RBFOX1: variants seen among roughly 807,000 people sequenced by gnomAD.
The protein encoded by RBFOX1 is RNA binding protein fox-1 homolog 1.
Under a neutral mutation model 57.7 loss-of-function variants are expected in RBFOX1, and 8 were observed. The ratio of observed to expected loss-of-function variants is 0.14; its 90% confidence interval spans 0.08 to 0.25. RBFOX1 has a LOEUF of 0.25. RBFOX1 is among the 10% of genes least tolerant of loss of function. RBFOX1 has a pLI of 1.00. For synonymous variants in RBFOX1, 326 were observed against 222.4 expected, an observed-to-expected ratio of 1.47 and a Z score of -4.15; for missense variants, 611 against 548.5, an observed-to-expected ratio of 1.11 and a Z score of -1.14.
chr16:7,203,194 T>G (rs890976829), intron 4 of RBFOX1, among the ~76,000 whole-genome samples: 1 of 152,208 alleles, frequency 6.6e-6, no homozygotes, highest in Non-Finnish European at 1.5e-5. Context: ...ACACGCACAA[T>G]GGAATATTAT....
chr16:5,724,709 A>C (rs998556706), intron 3 of RBFOX1, among the ~76,000 whole-genome samples: 1 of 152,178 alleles, frequency 6.6e-6, no homozygotes, highest in Non-Finnish European at 1.5e-5. Context: ...CCAGATGGGA[A>C]GTAAGGTAAC....
chr16:7,145,078 C>G (rs1048344842), intron 4 of RBFOX1, among the ~76,000 whole-genome samples: 1 of 152,214 alleles, frequency 6.6e-6, no homozygotes, highest in Non-Finnish European at 1.5e-5. Context: ...TGGTACCAAT[C>G]CTAGCTTGAC....
intron 4 of RBFOX1, among the ~76,000 whole-genome samples, chr16:7,205,488 G>T (rs1874431257): frequency 6.6e-6 from 1 of 150,632 alleles, no homozygotes; most frequent in African/African-American, 2.4e-5. Flanking sequence ...ACTCCAGCCT[G>T]GGTGATAGAG....
chr16:5,665,509 T>A (rs1015022878), intron 3 of RBFOX1, among the ~76,000 whole-genome samples: 1 of 152,180 alleles, frequency 6.6e-6, no homozygotes, highest in African/African-American at 2.4e-5. Flanking sequence ...ATAGTCGCCA[T>A]TGATAAAATT....
intron 4 of RBFOX1, among the ~76,000 whole-genome samples, chr16:7,064,770 C>G (rs9922471): frequency 1.3e-5 from 2 of 152,178 alleles, no homozygotes; most frequent in Non-Finnish European, 2.9e-5. Flanking sequence ...AACCAACTAA[C>G]CAACAAAAAG....
intron 4 of RBFOX1, among the ~76,000 whole-genome samples, chr16:5,931,270 C>T (rs1567161422): frequency 1.3e-5 from 2 of 152,104 alleles, no homozygotes; most frequent in Non-Finnish European, 2.9e-5. Flanking sequence ...CACCTGTGTT[C>T]CTATTGACCA....
chr16:7,155,563 T>A (rs1238285345), intron 4 of RBFOX1, among the ~76,000 whole-genome samples: 1 of 148,044 alleles, frequency 6.8e-6, no homozygotes, highest in Non-Finnish European at 1.5e-5. Flanking sequence ...ACCACTGCCC[T>A]CCAGCTTGGG....
rs189330636 is a variant in RBFOX1, at chr16:5,914,593, C to A, written c.351+47258C>A. On this transcript the variant is annotated intron_variant, in intron 4 of 19. Transcript: ENST00000641259. ...GCAGCTGGTGATGAGAGAGAGAGAG[C>A]AAAAGAAAAAAAAGGGAGAGAGGCC... Among the ~76,000 whole-genome samples the A allele has an allele frequency of 7.6e-3, 1,150 of 151,034 alleles. 18 individuals are homozygous for A. Among genetic ancestry groups the A allele is most frequent in the African/African-American group, 0.027 (1,101 of 41,258 alleles).
At chr16:7,163,961 G>T (rs1373215343) in intron 4 of RBFOX1, among the ~76,000 whole-genome samples, 1 of 152,046 alleles carries the variant, frequency 6.6e-6, no homozygotes, top group Non-Finnish European at 1.5e-5. Context: ...CACACAGCCT[G>T]TTTTTTCTAA....
chr16:6,494,394 C>A (rs1329195419), intron 2 of RBFOX1, among the ~76,000 whole-genome samples: 1 of 152,118 alleles, frequency 6.6e-6, no homozygotes, highest in Non-Finnish European at 1.5e-5. Context: ...GTTCTTAACC[C>A]CTGTCGATCA....
At chr16:7,580,484 A>G (rs1378947714) in intron 6 of RBFOX1, among the ~76,000 whole-genome samples, 1 of 152,186 alleles carries the variant, frequency 6.6e-6, no homozygotes, top group Non-Finnish European at 1.5e-5. Flanking sequence ...TTCTAAGTCC[A>G]TGTTGATTCC....
At chr16:6,306,975 A>T (rs544746540) in intron 1 of RBFOX1, among the ~76,000 whole-genome samples, 1 of 152,086 alleles carries the variant, frequency 6.6e-6, no homozygotes, top group Non-Finnish European at 1.5e-5. Flanking sequence ...GCTAGACATG[A>T]ACCTGAAGGC....
chr16:6,847,760 C>G (rs974146078), intron 3 of RBFOX1, among the ~76,000 whole-genome samples: 1 of 152,120 alleles, frequency 6.6e-6, no homozygotes. Context: ...TGTTTTAAAA[C>G]AGTCACGTGT....
chr16:6,990,506 C>G (rs1025698091), intron 3 of RBFOX1, among the ~76,000 whole-genome samples: 1 of 151,932 alleles, frequency 6.6e-6, no homozygotes, highest in Non-Finnish European at 1.5e-5. Context: ...ACCTGGGCAA[C>G]AAGAAAGAAA....
chr16:5,846,154 C>T (rs564324585), intron 3 of RBFOX1, among the ~76,000 whole-genome samples: 1 of 150,920 alleles, frequency 6.6e-6, no homozygotes, highest in South Asian at 2.1e-4. Flanking sequence ...TGCACTCCAG[C>T]CTGGGCGACA....
intron 4 of RBFOX1, among the ~76,000 whole-genome samples, chr16:7,316,159 A>G (rs2096434379): frequency 6.6e-6 from 1 of 152,244 alleles, no homozygotes; most frequent in Admixed American, 6.5e-5. Context: ...TGAGGGATGG[A>G]TCCTCCACTT....
chr16:6,718,153 T>C (rs1240294767), intron 3 of RBFOX1, among the ~76,000 whole-genome samples: 2 of 152,218 alleles, frequency 1.3e-5, no homozygotes, highest in African/African-American at 4.8e-5. Context: ...CTTGCAAAGA[T>C]GTCCCCATCT....
intron 1 of RBFOX1, among the ~76,000 whole-genome samples, chr16:5,440,945 T>G (rs1431551061): frequency 6.6e-6 from 1 of 152,172 alleles, no homozygotes; most frequent in East Asian, 1.9e-4. Context: ...CCAGACTCAC[T>G]TTGTCATACT....
chr16:5,284,623 C>T (rs905834879), intron 1 of RBFOX1, among the ~76,000 whole-genome samples: 1 of 150,802 alleles, frequency 6.6e-6, no homozygotes. Flanking sequence ...CTCACTGCAG[C>T]CTTGAACTCC....
Sources: gnomAD v4.1 joint callset for allele counts (sites outside exome capture counted in the v4.1 genomes callset) on GRCh38, gnomAD v4.1.1 for gene constraint, MANE v1.5 for transcripts, NCBI Gene and HGNC (gene_info 2026-07-23, HGNC 2026-07-21) for gene names.